KNTC1: variants seen among roughly 807,000 people sequenced by gnomAD.
KNTC1 encodes kinetochore-associated protein 1.
In KNTC1, 253 loss-of-function variants were observed where a neutral mutation model predicts 314.4. The observed-to-expected ratio is 0.80, with a 90% confidence interval of 0.73 to 0.89. KNTC1 has a LOEUF of 0.89. Ranked by LOEUF, KNTC1 falls within the 40% of genes least tolerant of loss-of-function variation. The pLI, the probability that KNTC1 is intolerant of heterozygous loss-of-function variation, is 0.00. For missense variants in KNTC1, 2,475 were observed against 2,572.9 expected (o/e 0.96, Z 0.82); for synonymous variants, 901 against 901.4 (o/e 1.00, Z 0.01).
At chr12:122,575,730 T>C in intron 28 of KNTC1, 70 bp from the exon 29 acceptor site, 12 of 1,485,536 alleles carry the variant, frequency 8.1e-6, no homozygotes, top group Non-Finnish European at 1.1e-5. Context: ...TGTTTCTATA[T>C]TGTTTGCTGT....
At chr12:122,618,202 C>G in intron 57 of KNTC1, 141 bp from the exon 58 acceptor site, 2 of 698,152 alleles carry the variant, frequency 2.9e-6, no homozygotes, top group Non-Finnish European at 4.9e-6. Context: ...GAACTCCTGA[C>G]CTCAAGTGAT....
chr12:122,606,222 C>CT (rs34344479), intron 51 of KNTC1, among the ~76,000 whole-genome samples: 3,865 of 109,688 alleles, frequency 0.035, 146 homozygotes, highest in African/African-American at 0.082. Context: ...AGATTGTTTA[C>CT]TTTTTTTTTT....
At chr12:122,577,584 C>G in intron 30 of KNTC1, 88 bp from the exon 31 acceptor site, 1 of 1,238,656 alleles carries the variant, frequency 8.1e-7, no homozygotes, top group Non-Finnish European at 1.1e-6. Flanking sequence ...GATGTATTTT[C>G]ATCTTTAAAT....
chr12:122,612,579 C>T (rs529931247), intron 53 of KNTC1, among the ~76,000 whole-genome samples: 29 of 151,582 alleles, frequency 1.9e-4, no homozygotes, highest in Admixed American at 2.0e-4. Context: ...CTACCACACC[C>T]GGCTAATTTT....
intron 2 of KNTC1, 127 bp downstream of exon 2, chr12:122,530,319 CAG>C: frequency 1.3e-6 from 1 of 788,504 alleles, no homozygotes; most frequent in South Asian, 2.0e-5. Flanking sequence ...GATTCAATCT[CAG>C]ATTGCTAGAA....
In KNTC1 at chr12:122,610,901, G is replaced by A. The variant is rs752265057; in HGVS notation, c.5622+1G>A. ...TGTATTTGCAACATCAACTACAACC[G>A]TAAGCTCTAGAAACTTAATCCAAAC... On this transcript the variant is annotated splice_donor_variant, in intron 53 of 63. Coordinates refer to ENST00000333479, the MANE Select transcript of KNTC1 (RefSeq NM_014708.6). LOFTEE classifies it high-confidence loss of function. 1.0e-5 allele frequency: 16 copies of A among 1,603,434 alleles called. No homozygotes were observed. Among genetic ancestry groups the A allele is most frequent in the South Asian group, 2.2e-5 (2 of 90,842 alleles).
chr12:122,615,108 C>T lies in KNTC1; in HGVS notation c.5973+22C>T, dbSNP rs777321037. On this transcript the variant is annotated intron_variant, in intron 56 of 63. Coordinates refer to ENST00000333479, the MANE Select transcript of KNTC1 (RefSeq NM_014708.6). ...TATGGTAAGTAAGACTCAATGCCCTCGACTAAGTATATTTGAAAGCTTTTG... is the reference window on the plus strand; with the variant it reads ...TATGGTAAGTAAGACTCAATGCCCTTGACTAAGTATATTTGAAAGCTTTTG... 1.2e-5 allele frequency: 18 copies of T among 1,517,088 alleles called. No homozygotes were observed. The South Asian group carries it at 1.3e-4, about 11-fold the overall frequency. The allele number at this position is 1,517,088 out of a possible 1,614,324, so 94.0% of individuals were successfully genotyped here. A position where few individuals can be genotyped will look rare whatever the true frequency, so the allele number is the denominator to read the frequency against.
chr12:122,568,291 T>C lies in KNTC1; in HGVS notation c.1635T>C (p.Asn545=). The change falls in exon 21 of 64, where the codon AAT becomes AAC. Residue 545 remains asparagine (N), a synonymous_variant. Coordinates refer to ENST00000333479, the MANE Select transcript of KNTC1 (RefSeq NM_014708.6). The stretch of plus-strand genomic sequence containing the variant: ...GTTCTTGGATTGAATTTCTAAATAA[T>C]GAAGATGATCTTAAAGATATTTTTT... ...SGSSWIEFLN[N]EDDLKDIFLQ... 6.4e-7 allele frequency: 1 copy of C among 1,573,950 alleles called. No homozygotes were observed. The highest frequency in any genetic ancestry group is 1.1e-5 in the South Asian group (1 of 88,642).
Position 122,611,965 on chromosome 12 carries a change from C to T in KNTC1, c.5622+1065C>T, listed in dbSNP as rs192207649. Among the ~76,000 whole-genome samples the T allele has an allele frequency of 3.1e-3, 463 of 151,412 alleles. 2 individuals carry two copies. The highest frequency in any genetic ancestry group is 5.6e-3 in the Non-Finnish European group (383 of 67,902). On this transcript the variant is annotated intron_variant, in intron 53 of 63. Coordinates refer to ENST00000333479, the MANE Select transcript of KNTC1 (RefSeq NM_014708.6). ...TTTGATCCACTGTTGGTTGATTCCA[C>T]GAATACAGAACCCATGGAAATGGGG...
At chr12:122,567,103 T>C (rs553228397) in intron 20 of KNTC1, among the ~76,000 whole-genome samples, 3 of 152,104 alleles carry the variant, frequency 2.0e-5, no homozygotes, top group South Asian at 4.2e-4. Flanking sequence ...TGAGACAGTT[T>C]TGTTCTGTTG....
intron 7 of KNTC1, 70 bp from the exon 8 acceptor site, chr12:122,544,089 C>A: frequency 4.7e-6 from 3 of 635,744 alleles, no homozygotes; most frequent in Non-Finnish European, 7.9e-6. Flanking sequence ...TTGATATCAA[C>A]TGATTTTAGT....
chr12:122,626,151 A>G, intron 63 of KNTC1, 54 bp from the exon 64 acceptor site: 2 of 1,306,160 alleles, frequency 1.5e-6, no homozygotes, highest in Non-Finnish European at 2.2e-6. Flanking sequence ...ACCATTTTCA[A>G]TTTGAAAAAC....
intron 48 of KNTC1, among the ~76,000 whole-genome samples, chr12:122,604,346 C>T (rs926303067): frequency 4.0e-5 from 6 of 151,764 alleles, no homozygotes; most frequent in African/African-American, 1.2e-4. Flanking sequence ...AGGGTTCTTC[C>T]GTGTTGGCCA....
At chr12:122,548,498 C>T (rs1962954762) in intron 12 of KNTC1, among the ~76,000 whole-genome samples, 2 of 152,132 alleles carry the variant, frequency 1.3e-5, no homozygotes, top group African/African-American at 4.8e-5. Context: ...GTGTGAGCCA[C>T]TGCGCCCGGC....
chr12:122,605,967 C>G (rs552379257), intron 51 of KNTC1, among the ~76,000 whole-genome samples: 1 of 152,042 alleles, frequency 6.6e-6, no homozygotes, highest in Admixed American at 6.5e-5. Flanking sequence ...CTCAGCCTCC[C>G]GAGTAGCTGG....
chr12:122,604,066 T>C (rs1872296777), intron 48 of KNTC1, among the ~76,000 whole-genome samples: 1 of 151,808 alleles, frequency 6.6e-6, no homozygotes, highest in Admixed American at 6.6e-5. Context: ...TGCACATGCA[T>C]GCATGTGTGA....
intron 12 of KNTC1, among the ~76,000 whole-genome samples, chr12:122,549,426 T>G (rs1237811136): frequency 6.6e-6 from 1 of 152,122 alleles, no homozygotes; most frequent in Non-Finnish European, 1.5e-5. Flanking sequence ...CTCGGCTCAC[T>G]GCAACCTCCG....
At chr12:122,552,281 A>G (rs945557360) in intron 16 of KNTC1, among the ~76,000 whole-genome samples, 2 of 152,112 alleles carry the variant, frequency 1.3e-5, no homozygotes, top group Non-Finnish European at 2.9e-5. Context: ...GTCAGCATGG[A>G]TAGAATGAGG....
In KNTC1 at chr12:122,604,619, A is replaced by T. The variant is rs748313169; in HGVS notation, c.5157A>T (p.Leu1719=). The part of the protein sequence containing the change: ...KFCLYLAERW[L]QNIPSQDEKR... ...GCCTTTATTTAGCTGAGAGATGGCT[A>T]CAGAATATCCCATCGCAGGTGTGTC... The change falls in exon 49 of 64, where the codon CTA becomes CTT. Residue 1719 remains leucine (L), a synonymous_variant. Transcript: ENST00000333479. 6.9e-6 allele frequency: 11 copies of T among 1,599,008 alleles called. No homozygotes were observed. Among genetic ancestry groups the T allele is most frequent in the Non-Finnish European group, 8.6e-6 (10 of 1,166,762 alleles).
Sources: allele counts gnomAD v4.1 joint callset (sites outside exome capture counted in the v4.1 genomes callset), GRCh38; gene constraint gnomAD v4.1.1; transcripts MANE v1.5; gene names NCBI Gene and HGNC (gene_info 2026-07-23, HGNC 2026-07-21).